ZNF20: variants seen among roughly 807,000 people sequenced by gnomAD.
ZNF20 encodes zinc finger protein KOX13.
A neutral mutation model predicts 11.0 loss-of-function variants in ZNF20; 9 were observed. The ratio of observed to expected loss-of-function variants is 0.82; its 90% CI spans 0.49 to 1.43. ZNF20 has a LOEUF of 1.43. ZNF20 is among the 40% of genes most tolerant of loss of function. The probability of loss-of-function intolerance (pLI) is 0.00; values close to 1 mark genes in which losing one functional copy is unlikely to be tolerated. For missense variants in ZNF20, 528 were observed against 640.8 expected (o/e 0.82, Z 1.90); for synonymous variants, 182 against 213.0 (o/e 0.85, Z 1.27).
At position 12,133,227 on chromosome 19, in the gene ZNF20, A is replaced by T. The variant is rs1471612270; in HGVS notation, c.959T>A (p.Phe320Tyr). The T allele has an allele frequency of 6.2e-7, 1 of 1,614,120 alleles. No individual in the cohort carries two copies. Among genetic ancestry groups the T allele is most frequent in the South Asian group, 1.1e-5 (1 of 91,076 alleles). Residue 320 changes from phenylalanine (F) to tyrosine (Y), a missense_variant, in exon 4 of 4, where the codon TTT becomes TAT. Physicochemically the swap from Phe to Tyr is conservative, Grantham distance 22. Transcript: ENST00000334213. ...CTTTTGAAGGTGTGAGCCACATCTA[A>T]AGGCTTTCCCACACTGCTTACATTC... is the stretch of plus-strand genomic sequence containing the variant. ...PYECKQCGKA[F>Y]RCGSHLQKHG...
Position 12,132,936 on chromosome 19 carries a change from T to C in ZNF20, c.1250A>G (p.His417Arg). 1 of 1,614,158 alleles carries C rather than the reference T, an allele frequency of 6.2e-7. No individual in the cohort carries two copies. Among genetic ancestry groups the C allele is most frequent in the Non-Finnish European group, 8.5e-7 (1 of 1,180,012 alleles). The part of the protein sequence containing the change: ...FSSLRIHERT[H>R]TGEKPHECKQ... Reference sequence around the variant, plus strand: ...ACATTCATGGGGCTTCTCTCCAGTGTGCGTCCTTTCATGTATACGCAAGGA... The same window carrying C: ...ACATTCATGGGGCTTCTCTCCAGTGCGCGTCCTTTCATGTATACGCAAGGA... Residue 417 changes from histidine (H) to arginine (R), a missense_variant, in exon 4 of 4, where the codon CAC becomes CGC. Physicochemically the swap from His to Arg is conservative, Grantham distance 29. Coordinates refer to ENST00000334213, the MANE Select transcript of ZNF20 (RefSeq NM_021143.4).
rs370631398 is a variant in ZNF20 at position 12,135,486 on chromosome 19, C to T, written c.200+14G>A. The T allele has an allele frequency of 6.8e-6, 11 of 1,613,066 alleles. No homozygotes were observed. The highest frequency in any genetic ancestry group is 2.7e-5 in the African/African-American group (2 of 74,968). On this transcript the variant is annotated intron_variant, in intron 3 of 3. Transcript: ENST00000334213. ...TTTCTAGAGGCATTGCCTTGTCTTG[C>T]GAGAGAAAATTACCTTAGATTTCTC...
chr19:12,134,340 A>C (rs192065011), intron 3 of ZNF20, among the ~76,000 whole-genome samples: 174 of 151,628 alleles, frequency 1.1e-3, no homozygotes, highest in African/African-American at 4.1e-3. Context: ...AAAATAAAAA[A>C]ATAAAAAAGT....
rs185589447 is a variant in ZNF20, at chr19:12,139,622, C to G, written c.3+558G>C. Among the ~76,000 whole-genome samples, 15 of 151,962 alleles carry G rather than the reference C, an allele frequency of 9.9e-5. No homozygotes were observed. Among genetic ancestry groups the G allele is most frequent in the African/African-American group, 3.6e-4 (15 of 41,438 alleles). On this transcript the variant is annotated intron_variant, in intron 1 of 3. Transcript: ENST00000334213. The surrounding 1 kb of genome is among the most constrained non-coding windows in gnomAD (Gnocchi z 4.0). Reference sequence around the variant, plus strand: ...CTCGGCTCACTGCAACCTTCGTCTCCTGGGGTCATGCGATTCTCCTGCTTC... The same window carrying G: ...CTCGGCTCACTGCAACCTTCGTCTCGTGGGGTCATGCGATTCTCCTGCTTC...
At chr19:12,138,889 T>G (rs1306062026) in intron 1 of ZNF20, among the ~76,000 whole-genome samples, 1 of 152,134 alleles carries the variant, frequency 6.6e-6, no homozygotes, top group Non-Finnish European at 1.5e-5. Context: ...TGCGGAAAAG[T>G]AATTGAAAAT....
At chr19:12,134,236 A>G (rs1239064970) in intron 3 of ZNF20, among the ~76,000 whole-genome samples, 1 of 152,060 alleles carries the variant, frequency 6.6e-6, no homozygotes, top group African/African-American at 2.4e-5. Flanking sequence ...AGTTGGGAGA[A>G]TCGCCTGAAC....
At chr19:12,136,472 G>C (rs866098837) in intron 1 of ZNF20, among the ~76,000 whole-genome samples, 2 of 150,814 alleles carry the variant, frequency 1.3e-5, no homozygotes, top group Non-Finnish European at 3.0e-5. Context: ...ACCTGAGGTC[G>C]GGAGTTCGAA....
intron 3 of ZNF20, among the ~76,000 whole-genome samples, chr19:12,135,257 A>T (rs996364915): frequency 1.3e-5 from 2 of 151,184 alleles, no homozygotes; most frequent in Non-Finnish European, 2.9e-5. Flanking sequence ...CTCCTGCCTC[A>T]GCCTCCCAAG....
Position 12,132,264 on chromosome 19 carries a change from GA to G in ZNF20, c.*322del. 3.8e-6 allele frequency: 1 copy of G among 266,248 alleles called. No individual in the cohort carries two copies. Among genetic ancestry groups the G allele is most frequent in the Non-Finnish European group, 7.1e-6 (1 of 141,354 alleles). 16.5% of individuals were successfully genotyped at this position (266,248 alleles called of 1,614,324 possible). ...AGGAACAGAGACAAGTGATTTGGGG[GA>G]TATTCTCGATTAACAAGCCAAAGAA... is the stretch of plus-strand genomic sequence containing the variant. On this transcript the variant is annotated 3_prime_UTR_variant, in exon 4 of 4. Coordinates refer to ENST00000334213, the MANE Select transcript of ZNF20 (RefSeq NM_021143.4).
rs747041366 is a variant in ZNF20, at chr19:12,132,801, C to T, written c.1385G>A (p.Cys462Tyr). The change falls in exon 4 of 4, where the codon TGT (cysteine) becomes TAT (tyrosine). Residue 462 changes from cysteine (C) to tyrosine (Y), a missense_variant. Transcript: ENST00000334213. ...TTCATGATATCGAATGGAACTGGAA[C>T]AAGTGAAGGCTTTGCCACATACCTT... ...ECKVCGKAFT[C>Y]SSSIRYHERT... 6.2e-7 allele frequency: 1 copy of T among 1,613,206 alleles called. No homozygotes were observed. The highest frequency in any genetic ancestry group is 1.1e-5 in the South Asian group (1 of 91,038).
chr19:12,139,001 T>C lies in ZNF20; in HGVS notation c.3+1179A>G, dbSNP rs1183665462. On this transcript the variant is annotated intron_variant, in intron 1 of 3. Transcript: ENST00000334213. The surrounding 1 kb of genome is among the most constrained non-coding windows in gnomAD (Gnocchi z 4.0). ...AAATGCAGGAGGAAGCCAGTCCCTA[T>C]AGACAGTGTGAAAAAATTTAAAGCA... Among the ~76,000 whole-genome samples the C allele has an allele frequency of 6.6e-6, 1 of 152,168 alleles. No homozygotes were observed. The highest frequency in any genetic ancestry group is 1.5e-5 in the Non-Finnish European group (1 of 68,034).
Position 12,140,276 on chromosome 19 carries a change from G to C in ZNF20, c.-94C>G, listed in dbSNP as rs1199026048. The C allele has an allele frequency of 2.0e-6, 3 of 1,522,522 alleles. No individual in the cohort carries two copies. The highest frequency in any genetic ancestry group is 1.4e-5 in the African/African-American group (1 of 72,600). The allele number at this position is 1,522,522 out of a possible 1,614,324, so 94.3% of individuals were successfully genotyped here. On this transcript the variant is annotated 5_prime_UTR_variant, in exon 1 of 4. Coordinates refer to ENST00000334213, the MANE Select transcript of ZNF20 (RefSeq NM_021143.4). ...CGGCAGAGCGACAGAAGTTGTGGCAGAGGGACCCGGGGCCTCTCGGAGTAG... is the reference window on the plus strand; with the variant it reads ...CGGCAGAGCGACAGAAGTTGTGGCACAGGGACCCGGGGCCTCTCGGAGTAG...
At position 12,136,237 on chromosome 19, in the gene ZNF20, G is replaced by A. The variant is rs1483046038; in HGVS notation, c.4-333C>T. ...CTAAAAATATAAAAATCAGCCAGGCGTGGTGGTGGGTGCCTGTAGTCCCAG... is the reference window on the plus strand; with the variant it reads ...CTAAAAATATAAAAATCAGCCAGGCATGGTGGTGGGTGCCTGTAGTCCCAG... On this transcript the variant is annotated intron_variant, in intron 1 of 3. Coordinates refer to ENST00000334213, the MANE Select transcript of ZNF20 (RefSeq NM_021143.4). Among the ~76,000 whole-genome samples the A allele has an allele frequency of 7.9e-5, 12 of 151,898 alleles. 1 individual carries two copies. Among genetic ancestry groups the A allele is most frequent in the Admixed American group, 5.9e-4 (9 of 15,226 alleles).
intron 3 of ZNF20, 111 bp downstream of exon 3, chr19:12,135,389 C>G: frequency 1.8e-6 from 2 of 1,118,216 alleles, no homozygotes; most frequent in South Asian, 2.7e-5. Flanking sequence ...ATTCACCCAC[C>G]TCGACCTCCC....
At position 12,135,552 on chromosome 19, in the gene ZNF20, A is replaced by G. The variant is rs1361116910; in HGVS notation, c.148T>C (p.Trp50Arg). Reference protein sequence around the residue: ...FKNLTSVGKTWKVQNIEDEYK... With the variant: ...FKNLTSVGKTRKVQNIEDEYK... ...TCATCTTCAATGTTCTGAACTTTCC[A>G]TGTTTTTCCTAAAACACAGACCCGG... The change falls in exon 3 of 4, where the codon TGG becomes CGG. Residue 50 changes from tryptophan to arginine, a missense_variant. Physicochemically the swap from Trp to Arg is moderately radical, Grantham distance 101. Transcript: ENST00000334213. 1 of 1,612,836 alleles carries G rather than the reference A, an allele frequency of 6.2e-7. No individual in the cohort carries two copies. The highest frequency in any genetic ancestry group is 1.3e-5 in the African/African-American group (1 of 74,960).
At chr19:12,136,910 A>G (rs926818800) in intron 1 of ZNF20, 3 of 430,292 alleles carry the variant, frequency 7.0e-6, no homozygotes, top group African/African-American at 6.2e-5. Context: ...GAAGCCCATC[A>G]TCTCCATATG....
Position 12,133,867 on chromosome 19 carries a change from T to C in ZNF20, c.319A>G (p.Ser107Gly). 1.2e-6 allele frequency: 2 copies of C among 1,614,220 alleles called. No individual in the cohort carries two copies. Among genetic ancestry groups the C allele is most frequent in the East Asian group, 2.2e-5 (1 of 44,884 alleles). The change falls in exon 4 of 4, where the codon AGC becomes GGC. Residue 107 changes from serine (S) to glycine (G), a missense_variant. Physicochemically the swap from Ser to Gly is moderately conservative, Grantham distance 56 (BLOSUM62 0). Coordinates refer to ENST00000334213, the MANE Select transcript of ZNF20 (RefSeq NM_021143.4). ...GTGCCAACTTCTCCACACACACTGC[T>C]TTCACATGGTGTTATTCCAGGAAGA... is the stretch of plus-strand genomic sequence containing the variant. ...KTLPGITPCE[S>G]SVCGEVGTGH...
In ZNF20 at chr19:12,133,644, A is replaced by G. The variant is rs1456045681; in HGVS notation, c.542T>C (p.Ile181Thr). 2 of 1,614,224 alleles carry G rather than the reference A, an allele frequency of 1.2e-6. No homozygotes were observed. Among genetic ancestry groups the G allele is most frequent in the Non-Finnish European group, 1.7e-6 (2 of 1,180,036 alleles). Residue 181 changes from isoleucine (I) to threonine (T), a missense_variant, in exon 4 of 4, where the codon ATT (isoleucine) becomes ACT (threonine). By Grantham distance (89) the Ile-to-Thr change is moderately conservative. Transcript: ENST00000334213. The part of the protein sequence containing the change: ...YDGKECTETF[I>T]SHSCIQRHRV... ...GTGTCTTTGAATGCATGAATGGGAAATGAAGGTTTCTGTACATTCTTTACC... is the reference window on the plus strand; with the variant it reads ...GTGTCTTTGAATGCATGAATGGGAAGTGAAGGTTTCTGTACATTCTTTACC...
intron 3 of ZNF20, among the ~76,000 whole-genome samples, chr19:12,135,166 G>A (rs566928955): frequency 8.2e-5 from 12 of 146,718 alleles, no homozygotes; most frequent in African/African-American, 3.1e-4. Context: ...TTGAGACGGA[G>A]TCTCGCTCTG....
Sources: allele counts gnomAD v4.1 joint callset (sites outside exome capture counted in the v4.1 genomes callset), GRCh38; gene constraint gnomAD v4.1.1; non-coding constraint Gnocchi (gnomAD v3.1); transcripts MANE v1.5; gene names NCBI Gene and HGNC (gene_info 2026-07-23, HGNC 2026-07-21).